The following U2SURP variants were observed in gnomAD, a reference collection of about 807,000 sequenced individuals.
U2SURP encodes the protein U2 snRNP-associated SURP motif-containing protein.
Under a neutral mutation model 144.9 loss-of-function variants are expected in U2SURP, and 9 were observed. The observed-to-expected ratio is 0.06, with a 90% confidence interval of 0.04 to 0.11. The LOEUF (loss-of-function observed/expected upper bound fraction) is 0.11, where lower values mean the gene tolerates loss of function less well. U2SURP is among the 10% of genes least tolerant of loss of function. U2SURP has a pLI of 1.00. For missense variants in U2SURP, 724 were observed against 1,226.7 expected, an observed-to-expected ratio of 0.59 and a Z score of 6.12; for synonymous variants, 408 against 396.8, an observed-to-expected ratio of 1.03 and a Z score of -0.33.
intron 4 of U2SURP, among the ~76,000 whole-genome samples, chr3:143,015,074 G>A (rs868119938): frequency 2.0e-5 from 3 of 152,042 alleles, no homozygotes; most frequent in Non-Finnish European, 4.4e-5. Flanking sequence ...CTCTGTAGGG[G>A]CAGTGACATG....
chr3:143,024,522 AG>A (rs1933017645), intron 13 of U2SURP: 1 of 435,422 alleles, frequency 2.3e-6, no homozygotes, highest in African/African-American at 2.1e-5. Flanking sequence ...TGGACATACT[AG>A]AAACTTTCTT....
chr3:143,028,224 G>GT, intron 14 of U2SURP, 116 bp from the exon 15 acceptor site: 1 of 1,226,564 alleles, frequency 8.2e-7, no homozygotes, highest in South Asian at 1.5e-5. Flanking sequence ...AGGGATCTTT[G>GT]TTTTTGTTTT....
At chr3:143,032,683 T>A (rs1041502995) in intron 16 of U2SURP, 101 bp from the exon 17 acceptor site, 1 of 1,042,526 alleles carries the variant, frequency 9.6e-7, no homozygotes, top group African/African-American at 1.6e-5. Context: ...CAGAATTATT[T>A]TATGTGAGTA....
intron 1 of U2SURP, among the ~76,000 whole-genome samples, chr3:143,005,419 C>A (rs1191353345): frequency 6.6e-6 from 1 of 152,166 alleles, no homozygotes; most frequent in Non-Finnish European, 1.5e-5. Context: ...AAATACAAAC[C>A]TTGAAAATCA....
In U2SURP at chr3:143,012,286, A is replaced by C. The variant is rs369610759; in HGVS notation, c.155A>C (p.Lys52Thr). 6.2e-7 allele frequency: 1 copy of C among 1,613,400 alleles called. No individual in the cohort carries two copies. The highest frequency in any genetic ancestry group is 8.5e-7 in the Non-Finnish European group (1 of 1,179,572). Residue 52 changes from lysine to threonine, a missense_variant, in exon 3 of 28, where the codon AAA becomes ACA. Lys to Thr is a moderately conservative substitution (Grantham distance 78). Coordinates refer to ENST00000473835, the MANE Select transcript of U2SURP (RefSeq NM_001080415.2). The part of the protein sequence containing the change: ...PSRTRPKSPR[K>T]HNYRNESARE... ...CGGACACGACCTAAGAGCCCAAGAAAACATAATTATAGGAATGAAAGTGCC... is the reference window on the plus strand; with the variant it reads ...CGGACACGACCTAAGAGCCCAAGAACACATAATTATAGGAATGAAAGTGCC...
chr3:143,003,609 G>C (rs1362476349), intron 1 of U2SURP, among the ~76,000 whole-genome samples: 1 of 150,036 alleles, frequency 6.7e-6, no homozygotes, highest in East Asian at 2.0e-4. Context: ...TTAATCCTGT[G>C]ATTTGGAATC....
At chr3:143,046,075 A>G (rs1934415574) in intron 24 of U2SURP, among the ~76,000 whole-genome samples, 3 of 152,068 alleles carry the variant, frequency 2.0e-5, no homozygotes, top group South Asian at 2.1e-4. Context: ...AATTAGTTCT[A>G]TTATATTCTA....
intron 27 of U2SURP, among the ~76,000 whole-genome samples, chr3:143,055,624 C>G (rs1426616190): frequency 6.6e-6 from 1 of 151,818 alleles, no homozygotes; most frequent in Non-Finnish European, 1.5e-5. Context: ...TCTGGTGATA[C>G]ATAGAGGAAT....
intron 1 of U2SURP, among the ~76,000 whole-genome samples, chr3:143,005,124 T>TCACTC (rs1935767689): frequency 6.6e-6 from 1 of 151,968 alleles, no homozygotes; most frequent in South Asian, 2.1e-4. Context: ...CCCTGCTATT[T>TCACTC]CACTCTGTGA....
chr3:143,053,178 T>C (rs947081921), intron 25 of U2SURP, among the ~76,000 whole-genome samples: 8 of 152,196 alleles, frequency 5.3e-5, no homozygotes, highest in African/African-American at 1.4e-4. Context: ...TATTTTATTG[T>C]AACTTATGGA....
intron 6 of U2SURP, 31 bp downstream of exon 6, chr3:143,017,006 T>C: frequency 6.5e-7 from 1 of 1,540,626 alleles, no homozygotes; most frequent in Non-Finnish European, 8.7e-7. Context: ...TGACCATTTA[T>C]GTTCAGAGAT....
rs201152788 is a variant in U2SURP at position 143,004,912 on chromosome 3, GGA to G, written c.45+3251_45+3252del. ...TTATGTAGTAGCTTTCATTTTGAGAGGAGAGAGAGAGAGCCTGTAATTGTTTA... is the reference window on the plus strand; with the variant it reads ...TTATGTAGTAGCTTTCATTTTGAGAGGAGAGAGAGAGCCTGTAATTGTTTA... On this transcript the variant is annotated intron_variant, in intron 1 of 27. Coordinates refer to ENST00000473835, the MANE Select transcript of U2SURP (RefSeq NM_001080415.2). Among the ~76,000 whole-genome samples the G allele has an allele frequency of 2.5e-4, 38 of 151,716 alleles. 1 individual carries two copies. The East Asian group carries it at 7.0e-3, about 28-fold the overall frequency.
At chr3:143,026,987 C>T in intron 13 of U2SURP, 162 bp from the exon 14 acceptor site, 1 of 570,578 alleles carries the variant, frequency 1.8e-6, no homozygotes, top group East Asian at 3.0e-5. Flanking sequence ...CCTCTTAATG[C>T]ACAAGGCATT....
At chr3:143,029,035 A>G (rs567000259) in intron 16 of U2SURP, among the ~76,000 whole-genome samples, 1 of 152,340 alleles carries the variant, frequency 6.6e-6, no homozygotes, top group African/African-American at 2.4e-5. Context: ...AAGCCGCTAC[A>G]TGATAACTTT....
At position 143,056,508 on chromosome 3, in the gene U2SURP, G is replaced by C. The variant is rs1008267346; in HGVS notation, c.*58G>C. On this transcript the variant is annotated 3_prime_UTR_variant, in exon 28 of 28. Coordinates refer to ENST00000473835, the MANE Select transcript of U2SURP (RefSeq NM_001080415.2). Reference sequence around the variant, plus strand: ...AATGCGATTTGTTTTGTGCCTGAACGGTCTGTTTTTTAAAAAAACAAAAAA... The same window carrying C: ...AATGCGATTTGTTTTGTGCCTGAACCGTCTGTTTTTTAAAAAAACAAAAAA... 1 of 1,569,278 alleles carries C rather than the reference G, an allele frequency of 6.4e-7. No homozygotes were observed. Among genetic ancestry groups the C allele is most frequent in the African/African-American group, 1.4e-5 (1 of 72,500 alleles).
intron 1 of U2SURP, among the ~76,000 whole-genome samples, chr3:143,005,217 C>A (rs1935776874): frequency 6.7e-6 from 1 of 149,242 alleles, no homozygotes; most frequent in Admixed American, 6.7e-5. Context: ...ATACTACAGG[C>A]TTCCTTGGAC....
intron 2 of U2SURP, chr3:143,011,834 GA>G: frequency 2.5e-6 from 1 of 402,324 alleles, no homozygotes; most frequent in South Asian, 1.8e-5. Context: ...ACCAAAATGT[GA>G]TGTTTGTTTG....
At chr3:143,014,537 C>A in intron 4 of U2SURP, 128 bp downstream of exon 4, 1 of 545,666 alleles carries the variant, frequency 1.8e-6, no homozygotes, top group Non-Finnish European at 3.2e-6. Context: ...GCCTCTGAGT[C>A]AAGTCTGTAA....
intron 12 of U2SURP, among the ~76,000 whole-genome samples, chr3:143,023,763 C>A (rs1366388059): frequency 1.3e-5 from 2 of 152,156 alleles, no homozygotes; most frequent in African/African-American, 4.8e-5. Context: ...TGTTCTGATT[C>A]TTTGCATTTG....
Sources: allele counts gnomAD v4.1 joint callset (sites outside exome capture counted in the v4.1 genomes callset), GRCh38; gene constraint gnomAD v4.1.1; transcripts MANE v1.5; gene names NCBI Gene and HGNC (gene_info 2026-07-23, HGNC 2026-07-21).